PEX7: variants seen among roughly 807,000 people sequenced by gnomAD.
The protein encoded by PEX7 is PTS2 receptor.
A neutral mutation model predicts 47.5 loss-of-function variants in PEX7; 34 were observed. The observed-to-expected ratio is 0.72, with a 90% CI of 0.54 to 0.95. PEX7 has a LOEUF of 0.95. PEX7 is among the 40% of genes least tolerant of loss of function. The pLI is 0.00. For missense variants in PEX7, 394 were observed against 400.3 expected, an observed-to-expected ratio of 0.98 and a Z score of 0.13; for synonymous variants, 141 against 148.8, an observed-to-expected ratio of 0.95 and a Z score of 0.38.
chr6:136,850,099 A>G (rs1774712565), intron 5 of PEX7, among the ~76,000 whole-genome samples: 1 of 151,840 alleles, frequency 6.6e-6, no homozygotes. Context: ...TCCCTTTACC[A>G]TTATGTAATG....
intron 5 of PEX7, chr6:136,855,637 G>T: frequency 3.9e-6 from 1 of 259,120 alleles, no homozygotes; most frequent in Non-Finnish European, 7.5e-6. Context: ...ACCGTGCCCG[G>T]CCTATTTAAG....
intron 5 of PEX7, among the ~76,000 whole-genome samples, chr6:136,862,923 A>C (rs1472164017): frequency 6.6e-6 from 1 of 152,144 alleles, no homozygotes; most frequent in Non-Finnish European, 1.5e-5. Flanking sequence ...ATTTCTGGGC[A>C]GGCCAAACAC....
chr6:136,833,645 A>G (rs903694285), intron 3 of PEX7, among the ~76,000 whole-genome samples: 2 of 152,228 alleles, frequency 1.3e-5, no homozygotes, highest in African/African-American at 4.8e-5. Flanking sequence ...TTTTATTACA[A>G]TTGATAATAG....
chr6:136,897,952 A>C (rs985363931), intron 8 of PEX7, among the ~76,000 whole-genome samples, 190 bp from the exon 9 acceptor site: 1 of 151,774 alleles, frequency 6.6e-6, no homozygotes, highest in Non-Finnish European at 1.5e-5. Flanking sequence ...TTTTATATAT[A>C]TAATAGGATG....
intron 6 of PEX7, among the ~76,000 whole-genome samples, chr6:136,868,925 A>G (rs1391943755): frequency 6.6e-6 from 1 of 152,172 alleles, no homozygotes; most frequent in African/African-American, 2.4e-5. Flanking sequence ...ATGATTAGAT[A>G]TCGTATTAAG....
chr6:136,845,997 T>C (rs935004168), intron 4 of PEX7, 76 bp from the exon 5 acceptor site: 109 of 800,262 alleles, frequency 1.4e-4, no homozygotes, highest in Non-Finnish European at 2.1e-4. Context: ...ATATAGTTTA[T>C]TGGTGTATGT....
chr6:136,890,623 G>A (rs960570571), intron 8 of PEX7, among the ~76,000 whole-genome samples: 2 of 152,080 alleles, frequency 1.3e-5, no homozygotes, highest in African/African-American at 2.4e-5. Flanking sequence ...GTTAAATAAA[G>A]GAGATCCTTG....
intron 8 of PEX7, among the ~76,000 whole-genome samples, chr6:136,890,309 T>TTAAATA (rs533937876): frequency 4.3e-4 from 66 of 152,374 alleles, no homozygotes; most frequent in African/African-American, 1.5e-3. Context: ...CTTAGATAGC[T>TTAAATA]TAAATATAAA....
intron 3 of PEX7, among the ~76,000 whole-genome samples, chr6:136,834,120 A>G (rs1473567891): frequency 1.3e-5 from 2 of 152,216 alleles, no homozygotes; most frequent in Admixed American, 6.5e-5. Flanking sequence ...AAGAGTTGCT[A>G]TTTGACCTGA....
In PEX7 at chr6:136,913,800, G is replaced by A; in HGVS notation, c.*274G>A. On this transcript the variant is annotated 3_prime_UTR_variant, in exon 10 of 10. Coordinates refer to ENST00000318471, the MANE Select transcript of PEX7 (RefSeq NM_000288.4). ...TTAAAATGTCTCTGGGTCATAAAAT[G>A]GATTAAAATATGGGAGATCAGTAGG... 2.6e-6 allele frequency: 1 copy of A among 378,942 alleles called. No homozygotes were observed. The highest frequency in any genetic ancestry group is 4.2e-5 in the Admixed American group (1 of 23,602). The allele number at this position is 378,942 out of a possible 1,614,324, so 23.5% of individuals were successfully genotyped here.
At chr6:136,834,355 TA>T (rs1443599416) in intron 3 of PEX7, among the ~76,000 whole-genome samples, 7 of 152,216 alleles carry the variant, frequency 4.6e-5, no homozygotes, top group African/African-American at 1.7e-4. Context: ...TAGCTGGGAC[TA>T]TAGGCGCTTG....
At chr6:136,839,279 C>T (rs1317083784) in intron 3 of PEX7, among the ~76,000 whole-genome samples, 1 of 152,138 alleles carries the variant, frequency 6.6e-6, no homozygotes, top group East Asian at 1.9e-4. Flanking sequence ...TGACCCTTTC[C>T]TTTGTATTCA....
chr6:136,824,704 C>G (rs1774156199), intron 1 of PEX7, among the ~76,000 whole-genome samples: 1 of 152,166 alleles, frequency 6.6e-6, no homozygotes, highest in East Asian at 1.9e-4. Context: ...CACTTTATTA[C>G]CACCAGTTAT....
At chr6:136,855,347 CTTT>C (rs34297697) in intron 5 of PEX7, among the ~76,000 whole-genome samples, 5 of 140,536 alleles carry the variant, frequency 3.6e-5, no homozygotes, top group Admixed American at 1.4e-4. Flanking sequence ...TTTCTTCTTC[CTTT>C]TTTTTTTTTT....
chr6:136,865,419 T>G (rs1019800385), intron 5 of PEX7, among the ~76,000 whole-genome samples: 3 of 152,116 alleles, frequency 2.0e-5, no homozygotes, highest in Non-Finnish European at 4.4e-5. Flanking sequence ...CTGCCTTAGC[T>G]TCCCCAGTAG....
Position 136,872,239 on chromosome 6 carries a change from T to C in PEX7, c.789T>C (p.Tyr263=), listed in dbSNP as rs2115229029. The change falls in exon 8 of 10, where the codon TAT becomes TAC. Residue 263 remains tyrosine (Y), a synonymous_variant. Coordinates refer to ENST00000318471, the MANE Select transcript of PEX7 (RefSeq NM_000288.4). ...FHASVLASCS[Y]DFTVRFWNFS... is the part of the protein sequence containing the mutation. ...CTTCTGTGCTGGCCTCTTGCTCGTA[T>C]GATTTTACTGTAAGGTACAGTGGTT... The C allele has an allele frequency of 6.2e-7, 1 of 1,610,876 alleles. No individual in the cohort carries two copies. The highest frequency in any genetic ancestry group is 8.5e-7 in the Non-Finnish European group (1 of 1,179,190).
chr6:136,856,147 G>A (rs1174766549), intron 5 of PEX7, among the ~76,000 whole-genome samples: 1 of 152,112 alleles, frequency 6.6e-6, no homozygotes, highest in Non-Finnish European at 1.5e-5. Flanking sequence ...CAGTGTAAGT[G>A]GGTAGTAGAA....
chr6:136,851,004 T>G (rs1435627082), intron 5 of PEX7, among the ~76,000 whole-genome samples: 3 of 142,340 alleles, frequency 2.1e-5, no homozygotes, highest in African/African-American at 7.7e-5. Flanking sequence ...TTTAATTTTT[T>G]TTTTTTTTAT....
chr6:136,828,566 C>T (rs1037514249), intron 3 of PEX7, among the ~76,000 whole-genome samples: 1 of 152,206 alleles, frequency 6.6e-6, no homozygotes, highest in East Asian at 1.9e-4. Flanking sequence ...AGCCATCGTG[C>T]TCTCTTCCAG....
Sources: allele counts gnomAD v4.1 joint callset (sites outside exome capture counted in the v4.1 genomes callset), GRCh38; gene constraint gnomAD v4.1.1; transcripts MANE v1.5; gene names NCBI Gene and HGNC (gene_info 2026-07-23, HGNC 2026-07-21).